Variants in CRPPA observed in about 807,000 individuals in gnomAD.
The protein encoded by CRPPA is D-ribitol-5-phosphate cytidylyltransferase.
A neutral mutation model predicts 52.0 loss-of-function variants in CRPPA; 43 were observed. That is an observed-to-expected ratio of 0.83 (90% CI 0.65 to 1.07). CRPPA has a LOEUF of 1.07. CRPPA is among the 50% of genes least tolerant of loss of function. The pLI is 0.00. For missense variants in CRPPA, 629 were observed against 551.7 expected (o/e 1.14, Z -1.40); for synonymous variants, 250 against 203.5 (o/e 1.23, Z -1.94).
At chr7:16,190,940 T>A (rs915185470) in intron 9 of CRPPA, among the ~76,000 whole-genome samples, 1 of 152,138 alleles carries the variant, frequency 6.6e-6, no homozygotes, top group Non-Finnish European at 1.5e-5. Context: ...TGAATGCCAT[T>A]ATTTTGTTCC....
intron 9 of CRPPA, among the ~76,000 whole-genome samples, chr7:16,110,229 G>C (rs945938913): frequency 2.0e-5 from 3 of 151,964 alleles, no homozygotes; most frequent in Non-Finnish European, 4.4e-5. Context: ...ACAAGGTAAA[G>C]ACCTATATAG....
At chr7:16,183,922 A>G (rs1333620138) in intron 9 of CRPPA, among the ~76,000 whole-genome samples, 1 of 151,966 alleles carries the variant, frequency 6.6e-6, no homozygotes, top group East Asian at 1.9e-4. Context: ...TTTTCTTTAT[A>G]AATTACCCAG....
At chr7:16,093,598 A>G (rs1781880867) in intron 9 of CRPPA, among the ~76,000 whole-genome samples, 1 of 152,158 alleles carries the variant, frequency 6.6e-6, no homozygotes, top group South Asian at 2.1e-4. Flanking sequence ...GTTTTATACG[A>G]CATTTTAAAA....
chr7:16,154,978 T>C (rs953121371), intron 9 of CRPPA, among the ~76,000 whole-genome samples: 5 of 150,768 alleles, frequency 3.3e-5, no homozygotes, highest in African/African-American at 7.3e-5. Context: ...TTTTTCTTTT[T>C]TTTTTTTTTT....
At chr7:16,249,098 A>C (rs1783363650) in intron 8 of CRPPA, among the ~76,000 whole-genome samples, 2 of 152,144 alleles carry the variant, frequency 1.3e-5, no homozygotes, top group African/African-American at 4.8e-5. Flanking sequence ...GTGTAAACAA[A>C]GGCACTGGGT....
At chr7:16,345,446 A>C (rs898707593) in intron 3 of CRPPA, among the ~76,000 whole-genome samples, 6 of 152,174 alleles carry the variant, frequency 3.9e-5, no homozygotes, top group African/African-American at 1.4e-4. Context: ...CAAATAAGTA[A>C]ATATAAATGA....
At chr7:16,109,573 C>T (rs1259243840) in intron 9 of CRPPA, among the ~76,000 whole-genome samples, 1 of 151,816 alleles carries the variant, frequency 6.6e-6, no homozygotes, top group Non-Finnish European at 1.5e-5. Flanking sequence ...AACATAGATG[C>T]CAAAGTCCTC....
chr7:16,193,481 C>A (rs1781658977), intron 9 of CRPPA, among the ~76,000 whole-genome samples: 1 of 152,056 alleles, frequency 6.6e-6, no homozygotes, highest in African/African-American at 2.4e-5. Context: ...AAATTTGCTT[C>A]AATAAACAAG....
chr7:16,250,509 G>T (rs1006934671), intron 8 of CRPPA, among the ~76,000 whole-genome samples: 1 of 152,190 alleles, frequency 6.6e-6, no homozygotes, highest in African/African-American at 2.4e-5. Flanking sequence ...AAGCCCATCA[G>T]GCTAACAGCA....
At chr7:16,107,384 T>A (rs1782178094) in intron 9 of CRPPA, among the ~76,000 whole-genome samples, 1 of 151,736 alleles carries the variant, frequency 6.6e-6, no homozygotes, top group African/African-American at 2.4e-5. Context: ...AAGAAACATA[T>A]CACATACAAA....
chr7:16,360,399 C>G (rs757776851), intron 3 of CRPPA, among the ~76,000 whole-genome samples: 2 of 152,070 alleles, frequency 1.3e-5, no homozygotes, highest in African/African-American at 4.8e-5. Context: ...CTTTATCACT[C>G]CAAATAACCA....
intron 3 of CRPPA, among the ~76,000 whole-genome samples, chr7:16,319,042 C>T (rs1328383489): frequency 6.6e-6 from 1 of 152,138 alleles, no homozygotes; most frequent in African/African-American, 2.4e-5. Flanking sequence ...TTCCCATTCC[C>T]CACCCTTTCA....
At chr7:16,406,455 T>C (rs1787957372) in intron 1 of CRPPA, 118 bp from the exon 2 acceptor site, 3 of 864,742 alleles carry the variant, frequency 3.5e-6, no homozygotes, top group East Asian at 2.6e-5. Flanking sequence ...AACTGCAAGT[T>C]AATAAAACAG....
chr7:16,379,031 C>T (rs146833038), intron 2 of CRPPA, among the ~76,000 whole-genome samples: 3,321 of 152,106 alleles, frequency 0.022, 111 homozygotes, highest in African/African-American at 0.075. Context: ...GAGTAGGTTG[C>T]GAAAATTTTC....
At chr7:16,158,561 T>A (rs1351555826) in intron 9 of CRPPA, among the ~76,000 whole-genome samples, 1 of 152,130 alleles carries the variant, frequency 6.6e-6, no homozygotes, top group African/African-American at 2.4e-5. Context: ...TTAAGAGATG[T>A]TTTTTATATC....
At chr7:16,279,107 AT>A (rs1378490508) in intron 5 of CRPPA, among the ~76,000 whole-genome samples, 2 of 152,186 alleles carry the variant, frequency 1.3e-5, no homozygotes, top group East Asian at 3.9e-4. Context: ...TATATCATGG[AT>A]AAAGAAAACA....
chr7:16,098,896 A>G (rs549955902), intron 9 of CRPPA, among the ~76,000 whole-genome samples: 1 of 152,278 alleles, frequency 6.6e-6, no homozygotes, highest in East Asian at 1.9e-4. Context: ...AATGAGAAAC[A>G]TTTTCCTCTT....
chr7:16,361,131 T>C (rs1786432053), intron 3 of CRPPA, among the ~76,000 whole-genome samples: 1 of 152,136 alleles, frequency 6.6e-6, no homozygotes, highest in Non-Finnish European at 1.5e-5. Flanking sequence ...CACTAATCAT[T>C]AGAGAAATGC....
rs538486949 is a variant in CRPPA, at chr7:16,131,800, C to T, written c.1252-40001G>A. The stretch of plus-strand genomic sequence containing the variant: ...CTCACCATGTTGCCCAGGCTGTTCT[C>T]GAGCTCTCGAACTCAAGTGATCTGC... On this transcript the variant is annotated intron_variant, in intron 9 of 9. Coordinates refer to ENST00000407010, the MANE Select transcript of CRPPA (RefSeq NM_001101426.4). Among the ~76,000 whole-genome samples the T allele has an allele frequency of 6.4e-4, 97 of 152,250 alleles. 3 individuals carry two copies. The South Asian group carries it at 0.019, about 30-fold the overall frequency.
Sources: gnomAD v4.1 joint callset for allele counts (sites outside exome capture counted in the v4.1 genomes callset) on GRCh38, gnomAD v4.1.1 for gene constraint, MANE v1.5 for transcripts, NCBI Gene and HGNC (gene_info 2026-07-23, HGNC 2026-07-21) for gene names.